The following PKHD1 variants were observed in gnomAD, a reference collection of about 807,000 sequenced individuals.
PKHD1 encodes PKHD1 ciliary IPT domain containing fibrocystin/polyductin.
In PKHD1, 291 loss-of-function variants were observed where a neutral mutation model predicts 412.0. The ratio of observed to expected loss-of-function variants is 0.71; its 90% CI spans 0.64 to 0.78. The LOEUF (loss-of-function observed/expected upper bound fraction) is 0.78, where lower values mean the gene tolerates loss of function less well. Among genes scored for constraint, PKHD1 ranks in the 30% least tolerant of loss-of-function variants. The probability of loss-of-function intolerance (pLI) is 0.00; values close to 1 mark genes in which losing one functional copy is unlikely to be tolerated. For synonymous variants in PKHD1, 1,777 were observed against 1,821.5 expected, an observed-to-expected ratio of 0.98 and a Z score of 0.62; for missense variants, 4,825 against 4,950.7, an observed-to-expected ratio of 0.97 and a Z score of 0.76.
intron 63 of PKHD1, among the ~76,000 whole-genome samples, chr6:51,645,927 G>A (rs1770029843): frequency 6.6e-6 from 1 of 152,150 alleles, no homozygotes; most frequent in Admixed American, 6.6e-5. Context: ...GTGGGGAAGG[G>A]AGTGAATGCT....
At chr6:51,694,501 A>G (rs1044097993) in intron 60 of PKHD1, among the ~76,000 whole-genome samples, 3 of 143,182 alleles carry the variant, frequency 2.1e-5, no homozygotes, top group African/African-American at 7.8e-5. Context: ...CTCCTGCCTC[A>G]GCCTCCCAAG....
At chr6:51,734,980 G>T (rs1783663227) in intron 60 of PKHD1, among the ~76,000 whole-genome samples, 1 of 152,122 alleles carries the variant, frequency 6.6e-6, no homozygotes, top group South Asian at 2.1e-4. Context: ...GGATGTTTAG[G>T]AATAGCTGTA....
chr6:51,622,627 CA>C (rs1289277784), intron 66 of PKHD1: 6 of 152,028 alleles, frequency 3.9e-5, no homozygotes, highest in African/African-American at 7.2e-5. Flanking sequence ...TCTTAATAAG[CA>C]ATGTATGACA....
Position 51,906,253 on chromosome 6 carries a change from T to C in PKHD1, c.6770A>G (p.Asn2257Ser), listed in dbSNP as rs1377215021. 4 of 1,611,676 alleles carry C rather than the reference T, an allele frequency of 2.5e-6. No homozygotes were observed. The highest frequency in any genetic ancestry group is 3.4e-6 in the Non-Finnish European group (4 of 1,178,134). Residue 2257 changes from asparagine (N) to serine (S), a missense_variant, in exon 41 of 67, where the codon AAT becomes AGT. Asn to Ser is a conservative substitution (Grantham distance 46). Coordinates refer to ENST00000371117, the MANE Select transcript of PKHD1 (RefSeq NM_138694.4). The stretch of plus-strand genomic sequence containing the variant: ...ATGACCTAAAATATTGTAGAATACA[T>C]TACTGTCCACCTTCAGGCCCAAGGT... ...CGTLGLKVDS[N>S]VFYNILGHAL...
intron 43 of PKHD1, among the ~76,000 whole-genome samples, chr6:51,897,640 CA>C (rs1780331240): frequency 1.4e-5 from 2 of 145,788 alleles, no homozygotes; most frequent in Admixed American, 1.4e-4. Context: ...ATCATAATGA[CA>C]GGATCAAATT....
At chr6:51,975,643 A>AAAG (rs1419340198) in intron 35 of PKHD1, 13 of 148,542 alleles carry the variant, frequency 8.8e-5, no homozygotes, top group Non-Finnish European at 1.8e-4. Flanking sequence ...AAAAAAAAAC[A>AAAG]AAAAGAAAAA....
intron 29 of PKHD1, among the ~76,000 whole-genome samples, chr6:52,030,062 G>A (rs1257125161): frequency 1.3e-5 from 2 of 152,182 alleles, no homozygotes; most frequent in East Asian, 1.9e-4. Flanking sequence ...ACATGGCTTG[G>A]GCTAAAGCAT....
intron 35 of PKHD1, among the ~76,000 whole-genome samples, chr6:51,986,282 T>C (rs1796209016): frequency 6.6e-6 from 1 of 152,200 alleles, no homozygotes; most frequent in Admixed American, 6.5e-5. Flanking sequence ...GGTGGGGAAT[T>C]TATCACAATA....
At chr6:52,062,765 G>T in intron 13 of PKHD1, 105 bp from the exon 14 acceptor site, 2 of 1,357,952 alleles carry the variant, frequency 1.5e-6, no homozygotes, top group Non-Finnish European at 2.1e-6. Flanking sequence ...GATGCTACCT[G>T]TAAAGGTAAG....
At chr6:52,016,142 A>G (rs1228600854) in intron 34 of PKHD1, among the ~76,000 whole-genome samples, 2 of 152,164 alleles carry the variant, frequency 1.3e-5, no homozygotes, top group African/African-American at 2.4e-5. Flanking sequence ...TTCCTGTGTG[A>G]GCTAAACAGA....
chr6:51,710,865 A>T (rs912097972), intron 60 of PKHD1, among the ~76,000 whole-genome samples: 5 of 152,234 alleles, frequency 3.3e-5, no homozygotes, highest in Admixed American at 6.5e-5. Context: ...TATGTGCAAC[A>T]GATGGGATCT....
chr6:51,825,543 C>T (rs1305951852), intron 52 of PKHD1, among the ~76,000 whole-genome samples: 1 of 152,118 alleles, frequency 6.6e-6, no homozygotes, highest in Admixed American at 6.6e-5. Context: ...CATCAAGGCC[C>T]AGCCATATGA....
intron 34 of PKHD1, among the ~76,000 whole-genome samples, chr6:52,016,546 G>C (rs904862466): frequency 1.3e-5 from 2 of 149,890 alleles, no homozygotes; most frequent in African/African-American, 4.9e-5. Context: ...TGAGGCATGA[G>C]AGTACCTTGA....
At chr6:52,020,306 C>A (rs1180772286) in intron 33 of PKHD1, among the ~76,000 whole-genome samples, 1 of 152,176 alleles carries the variant, frequency 6.6e-6, no homozygotes, top group Non-Finnish European at 1.5e-5. Context: ...TAACAGAAAG[C>A]TTATTAACCA....
chr6:52,018,954 C>T (rs1025362304), intron 33 of PKHD1, among the ~76,000 whole-genome samples: 38 of 152,080 alleles, frequency 2.5e-4, no homozygotes, highest in African/African-American at 8.5e-4. Flanking sequence ...TTGATTTTCA[C>T]ATAATTATAA....
chr6:51,787,808 T>C (rs1793125993), intron 53 of PKHD1, among the ~76,000 whole-genome samples: 1 of 152,192 alleles, frequency 6.6e-6, no homozygotes, highest in African/African-American at 2.4e-5. Flanking sequence ...CAGCAAGCTA[T>C]ATATTATAGT....
At chr6:52,005,199 C>T (rs980378522) in intron 35 of PKHD1, among the ~76,000 whole-genome samples, 3 of 152,174 alleles carry the variant, frequency 2.0e-5, no homozygotes, top group South Asian at 2.1e-4. Flanking sequence ...TTCCCTGCCC[C>T]AGTTATCTCT....
intron 48 of PKHD1, among the ~76,000 whole-genome samples, chr6:51,866,300 A>G (rs1354613606): frequency 6.6e-6 from 1 of 152,198 alleles, no homozygotes; most frequent in East Asian, 1.9e-4. Flanking sequence ...GGAAGTTTCC[A>G]GAACATGGAA....
At chr6:51,890,421 C>A (rs925593946) in intron 43 of PKHD1, among the ~76,000 whole-genome samples, 24 of 151,730 alleles carry the variant, frequency 1.6e-4, no homozygotes, top group African/African-American at 5.8e-4. Flanking sequence ...GTAGTGGAGA[C>A]AACATATTGA....
Sources: allele counts gnomAD v4.1 joint callset (sites outside exome capture counted in the v4.1 genomes callset), GRCh38; gene constraint gnomAD v4.1.1; transcripts MANE v1.5; gene names NCBI Gene and HGNC (gene_info 2026-07-23, HGNC 2026-07-21).